The following CDH12 variants were observed in gnomAD, a reference collection of about 807,000 sequenced individuals.
CDH12 encodes cadherin 12.
Under a neutral mutation model 74.1 loss-of-function variants are expected in CDH12, and 41 were observed. The ratio of observed to expected loss-of-function variants is 0.55; its 90% CI spans 0.43 to 0.72. CDH12 has a LOEUF of 0.72. Ranked by LOEUF, CDH12 falls within the 30% of genes least tolerant of loss-of-function variation. The pLI is 0.00. For synonymous variants in CDH12, 399 were observed against 355.0 expected (o/e 1.12, Z -1.39); for missense variants, 945 against 977.2 (o/e 0.97, Z 0.44).
chr5:22,161,745 A>AT (rs1554016586), intron 4 of CDH12, among the ~76,000 whole-genome samples: 3 of 146,636 alleles, frequency 2.0e-5, no homozygotes, highest in South Asian at 2.2e-4. Flanking sequence ...AGAGAGAGGG[A>AT]GGGGGGAAAA....
chr5:22,502,253 C>T (rs1392148965), intron 2 of CDH12, among the ~76,000 whole-genome samples: 1 of 152,002 alleles, frequency 6.6e-6, no homozygotes, highest in East Asian at 1.9e-4. Context: ...GAATAAGTCT[C>T]ATGAGATCTG....
At chr5:21,978,655 T>A (rs1272230560) in intron 5 of CDH12, among the ~76,000 whole-genome samples, 2 of 152,174 alleles carry the variant, frequency 1.3e-5, no homozygotes, top group Non-Finnish European at 2.9e-5. Context: ...TTTTCAAAAT[T>A]ACTTTTTTAA....
rs79905879 is a variant in CDH12, at chr5:22,791,968, G to A, written c.-523+61090C>T. Among the ~76,000 whole-genome samples, 1,074 of 151,908 alleles carry A rather than the reference G, an allele frequency of 7.1e-3. 9 individuals carry two copies. Among genetic ancestry groups the A allele is most frequent in the African/African-American group, 0.025 (1,015 of 41,392 alleles). On this transcript the variant is annotated intron_variant, in intron 1 of 14. Coordinates refer to ENST00000382254, the MANE Select transcript of CDH12 (RefSeq NM_004061.5). ...AGTAACATTTCTAAAATTAACATACGTCTTCTCTAATTAGTGAAGTGTCAG... is the reference window on the plus strand; with the variant it reads ...AGTAACATTTCTAAAATTAACATACATCTTCTCTAATTAGTGAAGTGTCAG...
chr5:22,830,460 T>C (rs1371657632), intron 1 of CDH12, among the ~76,000 whole-genome samples: 1 of 151,942 alleles, frequency 6.6e-6, no homozygotes, highest in Non-Finnish European at 1.5e-5. Context: ...TCTGGATATT[T>C]TTTAAATGAT....
intron 1 of CDH12, among the ~76,000 whole-genome samples, chr5:22,726,573 TC>T (rs1744174260): frequency 6.6e-6 from 1 of 151,836 alleles, no homozygotes; most frequent in Non-Finnish European, 1.5e-5. Context: ...ATGTATTTCC[TC>T]CAGCAATGAA....
intron 3 of CDH12, among the ~76,000 whole-genome samples, chr5:22,349,161 A>G (rs1580550003): frequency 6.6e-6 from 1 of 152,202 alleles, no homozygotes; most frequent in Middle Eastern, 3.4e-3. Flanking sequence ...CCAGACACCA[A>G]TCTACTGTTG....
At chr5:22,211,399 A>G (rs1192130237) in intron 4 of CDH12, among the ~76,000 whole-genome samples, 1 of 152,190 alleles carries the variant, frequency 6.6e-6, no homozygotes, top group East Asian at 1.9e-4. Flanking sequence ...TACAATATCA[A>G]GGTAAGTGAT....
rs528492018 is a variant in CDH12, at chr5:22,148,078, G to A, written c.-187+64420C>T. Among the ~76,000 whole-genome samples, 274 of 152,120 alleles carry A rather than the reference G, an allele frequency of 1.8e-3. 2 individuals carry two copies. Among genetic ancestry groups the A allele is most frequent in the Admixed American group, 0.011 (169 of 15,270 alleles). On this transcript the variant is annotated intron_variant, in intron 4 of 14. Coordinates refer to ENST00000382254, the MANE Select transcript of CDH12 (RefSeq NM_004061.5). The stretch of plus-strand genomic sequence containing the variant: ...CTAAGCAGTATACCAGCTACTTTAG[G>A]ACTGTGTTCCTGTACAGCGCCCCTT...
At chr5:22,194,308 C>CTTTTTTTTTTTTTTTTTTTTTTTT (rs59899245) in intron 4 of CDH12, among the ~76,000 whole-genome samples, 19 of 139,846 alleles carry the variant, frequency 1.4e-4, no homozygotes, top group East Asian at 2.2e-4. Flanking sequence ...CTTTTTCTTT[C>CTTTTTTTTTTTTTTTTTTTTTTTT]TTTTTTTTTT....
intron 2 of CDH12, among the ~76,000 whole-genome samples, chr5:22,454,482 C>A (rs1561416531): frequency 6.6e-6 from 1 of 150,948 alleles, no homozygotes; most frequent in African/African-American, 2.4e-5. Context: ...ACAGATTTTT[C>A]TTTTTTTTTG....
chr5:22,152,533 G>A (rs909134685), intron 4 of CDH12, among the ~76,000 whole-genome samples: 4 of 151,986 alleles, frequency 2.6e-5, no homozygotes, highest in East Asian at 1.9e-4. Context: ...TATTTACCAC[G>A]TACAACATGA....
At chr5:22,497,311 T>C (rs1192592008) in intron 2 of CDH12, among the ~76,000 whole-genome samples, 1 of 152,196 alleles carries the variant, frequency 6.6e-6, no homozygotes, top group Non-Finnish European at 1.5e-5. Context: ...GTTCAGTTAC[T>C]GGCAAAGCTA....
chr5:22,043,584 C>T (rs1185268018), intron 5 of CDH12, among the ~76,000 whole-genome samples: 1 of 151,792 alleles, frequency 6.6e-6, no homozygotes, highest in East Asian at 1.9e-4. Flanking sequence ...ACTGGAAGTC[C>T]TAGCCAGAGG....
At chr5:21,765,144 C>T (rs372346415) in intron 11 of CDH12, 45 bp from the exon 12 acceptor site, 82 of 1,440,758 alleles carry the variant, frequency 5.7e-5, no homozygotes, top group Non-Finnish European at 7.3e-5. Context: ...AAAATCCGGT[C>T]AGTTATTGCT....
rs1554012001 is a variant in CDH12 at position 22,117,448 on chromosome 5, A to AT, written c.-186-38587_-186-38586insA. 2.4e-3 allele frequency among the ~76,000 whole-genome samples: 213 copies of AT among 89,908 alleles called. 2 individuals are homozygous for AT. The highest frequency in any genetic ancestry group is 9.6e-3 in the African/African-American group (201 of 20,836). 59.0% of individuals were successfully genotyped at this position (89,908 alleles called of 152,430 possible). On this transcript the variant is annotated intron_variant, in intron 4 of 14. Coordinates refer to ENST00000382254, the MANE Select transcript of CDH12 (RefSeq NM_004061.5). ...ATGCATATATAAATTATATATATAT[A>AT]ATATATATATTATATATATAATATA...
chr5:21,865,106 G>A (rs1383383812), intron 6 of CDH12, among the ~76,000 whole-genome samples: 5 of 152,136 alleles, frequency 3.3e-5, no homozygotes, highest in Non-Finnish European at 5.9e-5. Flanking sequence ...CATATCCTAG[G>A]ACTTTGTGGA....
chr5:21,783,323 C>T, intron 11 of CDH12, 35 bp downstream of exon 11: 1 of 1,581,702 alleles, frequency 6.3e-7, no homozygotes, highest in African/African-American at 1.4e-5. Flanking sequence ...CAAAGAACTG[C>T]AGTATAACAT....
At chr5:21,769,768 C>T (rs566769939) in intron 11 of CDH12, among the ~76,000 whole-genome samples, 2 of 152,178 alleles carry the variant, frequency 1.3e-5, no homozygotes, top group South Asian at 2.1e-4. Flanking sequence ...TACGTGGTTT[C>T]GTTAGGACTA....
At chr5:21,936,465 G>C (rs1270700320) in intron 6 of CDH12, among the ~76,000 whole-genome samples, 2 of 152,026 alleles carry the variant, frequency 1.3e-5, no homozygotes, top group Non-Finnish European at 2.9e-5. Flanking sequence ...AATGTAATGT[G>C]TGACAGGCAT....
Sources: gnomAD v4.1 joint callset for allele counts (sites outside exome capture counted in the v4.1 genomes callset) on GRCh38, gnomAD v4.1.1 for gene constraint, MANE v1.5 for transcripts, NCBI Gene and HGNC (gene_info 2026-07-23, HGNC 2026-07-21) for gene names.